AGBL1: variants seen among roughly 807,000 people sequenced by gnomAD.
The protein encoded by AGBL1 is AGBL carboxypeptidase 1.
Under a neutral mutation model 118.9 loss-of-function variants are expected in AGBL1, and 130 were observed. The observed-to-expected ratio is 1.09, with a 90% confidence interval of 0.95 to 1.26. The LOEUF (loss-of-function observed/expected upper bound fraction) is 1.26. Among genes scored for constraint, AGBL1 ranks in the 50% most tolerant of loss-of-function variants. The probability of loss-of-function intolerance (pLI) is 0.00; values close to 1 mark genes in which losing one functional copy is unlikely to be tolerated. For synonymous variants in AGBL1, 555 were observed against 478.9 expected (o/e 1.16, Z -2.08); for missense variants, 1,584 against 1,298.1 (o/e 1.22, Z -3.38).
At chr15:86,932,017 TAG>T (rs373092908) in intron 23 of AGBL1, among the ~76,000 whole-genome samples, 8 of 152,282 alleles carry the variant, frequency 5.3e-5, no homozygotes, top group African/African-American at 1.7e-4. Context: ...TGTGGAATCA[TAG>T]AGTTATAAAG....
intron 23 of AGBL1, among the ~76,000 whole-genome samples, chr15:86,925,689 TTTTTTTC>T (rs1467108239): frequency 7.3e-5 from 11 of 150,450 alleles, no homozygotes; most frequent in Non-Finnish European, 1.3e-4. Flanking sequence ...TCTTCTTTTC[TTTTTTTC>T]TTTTTTCTTT....
chr15:86,944,048 A>C lies in AGBL1; in HGVS notation c.3222-43939A>C, dbSNP rs111961055. ...TGCCTAAGATAAAATGAAATCTAAG[A>C]TAAGACCTGAAGGAAGAGTAAGAGT... On this transcript the variant is annotated intron_variant, in intron 23 of 24. Coordinates refer to the AGBL1 transcript ENST00000441037. 9.7e-3 allele frequency among the ~76,000 whole-genome samples: 1,477 copies of C among 152,246 alleles called. 20 individuals are homozygous for C. Among genetic ancestry groups the C allele is most frequent in the African/African-American group, 0.034 (1,420 of 41,538 alleles).
At chr15:86,649,298 GC>G (rs2142489929) in intron 21 of AGBL1, among the ~76,000 whole-genome samples, 1 of 152,286 alleles carries the variant, frequency 6.6e-6, no homozygotes, top group Non-Finnish European at 1.5e-5. Context: ...CTTCAATTTT[GC>G]CAGTGAAATT....
chr15:86,711,289 C>T (rs2086551204), intron 22 of AGBL1, among the ~76,000 whole-genome samples: 1 of 152,120 alleles, frequency 6.6e-6, no homozygotes, highest in South Asian at 2.1e-4. Context: ...TACAAAAATC[C>T]TGAGGTAAAA....
Position 86,622,386 on chromosome 15 carries a change from T to C in AGBL1, c.2995-51887T>C, listed in dbSNP as rs1054822727. On this transcript the variant is annotated intron_variant, in intron 21 of 22. Transcript: ENST00000614907. ...ACACAAAAACCAGACAGGCCTATTT[T>C]TTTCAGTCTATAAATATTTACTGAG... is the stretch of plus-strand genomic sequence containing the variant. Among the ~76,000 whole-genome samples the C allele has an allele frequency of 1.3e-5, 2 of 151,290 alleles. 1 individual carries two copies. The highest frequency in any genetic ancestry group is 2.9e-5 in the Non-Finnish European group (2 of 67,878).
At chr15:86,991,135 T>C (rs1378320202) in intron 24 of AGBL1, among the ~76,000 whole-genome samples, 4 of 152,194 alleles carry the variant, frequency 2.6e-5, no homozygotes. Context: ...GTAGAGTGTC[T>C]AGGATTCTCG....
At chr15:86,167,015 T>G (rs1451032721) in intron 5 of AGBL1, among the ~76,000 whole-genome samples, 1 of 152,168 alleles carries the variant, frequency 6.6e-6, no homozygotes, top group Non-Finnish European at 1.5e-5. Flanking sequence ...CTAGGAACTT[T>G]CACTTGCCAT....
intron 21 of AGBL1, among the ~76,000 whole-genome samples, chr15:86,583,383 ATC>A (rs1235971033): frequency 6.6e-6 from 1 of 151,806 alleles, no homozygotes; most frequent in African/African-American, 2.4e-5. Flanking sequence ...CCATATTTTT[ATC>A]TATATGTACC....
intron 1 of AGBL1, among the ~76,000 whole-genome samples, chr15:86,104,036 G>A (rs1026519770): frequency 6.6e-6 from 1 of 152,204 alleles, no homozygotes; most frequent in Non-Finnish European, 1.5e-5. Flanking sequence ...GAGGCACACA[G>A]GTGGTGCATG....
At chr15:86,589,139 A>T (rs2084297759) in intron 21 of AGBL1, among the ~76,000 whole-genome samples, 1 of 152,136 alleles carries the variant, frequency 6.6e-6, no homozygotes, top group African/African-American at 2.4e-5. Flanking sequence ...TTAGAACAGA[A>T]TGAAGTACTC....
At chr15:86,109,525 A>T (rs1281646922) in intron 1 of AGBL1, among the ~76,000 whole-genome samples, 1 of 152,232 alleles carries the variant, frequency 6.6e-6, no homozygotes, top group Non-Finnish European at 1.5e-5. Flanking sequence ...GAAAATAAGG[A>T]TAATTCAACC....
At chr15:86,155,858 A>G (rs973488885) in intron 4 of AGBL1, among the ~76,000 whole-genome samples, 1 of 152,220 alleles carries the variant, frequency 6.6e-6, no homozygotes, top group East Asian at 1.9e-4. Flanking sequence ...TTAATGCCTT[A>G]ACAAAATATC....
intron 21 of AGBL1, among the ~76,000 whole-genome samples, chr15:86,583,194 A>G (rs548243281): frequency 6.6e-6 from 1 of 152,048 alleles, no homozygotes; most frequent in Non-Finnish European, 1.5e-5. Context: ...CAGGGAGTAC[A>G]TGTGCAGGAT....
intron 20 of AGBL1, among the ~76,000 whole-genome samples, chr15:86,549,222 C>T (rs898813815): frequency 2.6e-5 from 4 of 151,902 alleles, no homozygotes; most frequent in African/African-American, 9.7e-5. Context: ...AGAGGAGACC[C>T]AAGAGGGCCC....
At chr15:86,692,999 C>T (rs1198544406) in intron 22 of AGBL1, among the ~76,000 whole-genome samples, 1 of 152,042 alleles carries the variant, frequency 6.6e-6, no homozygotes, top group East Asian at 1.9e-4. Context: ...ATTTCTTCAT[C>T]CTCTTGTTGA....
At chr15:86,663,368 C>G (rs2085581085) in intron 21 of AGBL1, among the ~76,000 whole-genome samples, 1 of 152,140 alleles carries the variant, frequency 6.6e-6, no homozygotes, top group Admixed American at 6.5e-5. Flanking sequence ...TCTCCTTCTT[C>G]CCTCACTCTG....
At chr15:86,946,743 A>G (rs1400066857) in intron 23 of AGBL1, among the ~76,000 whole-genome samples, 1 of 143,588 alleles carries the variant, frequency 7.0e-6, no homozygotes, top group Non-Finnish European at 1.5e-5. Flanking sequence ...GCTACTCGGG[A>G]GGCTGAGGCA....
intron 22 of AGBL1, among the ~76,000 whole-genome samples, chr15:86,755,386 G>C (rs1330329785): frequency 2.0e-5 from 3 of 152,094 alleles, no homozygotes; most frequent in East Asian, 1.9e-4. Context: ...CCAGAGTCCT[G>C]AGAAGGCAAG....
intron 6 of AGBL1, among the ~76,000 whole-genome samples, chr15:86,229,200 G>C (rs545841968): frequency 6.6e-6 from 1 of 152,120 alleles, no homozygotes; most frequent in South Asian, 2.1e-4. Context: ...CTCTGTATTA[G>C]TCTGTTCTCA....
Sources: gnomAD v4.1 joint callset for allele counts (sites outside exome capture counted in the v4.1 genomes callset) on GRCh38, gnomAD v4.1.1 for gene constraint, MANE v1.5 for transcripts, NCBI Gene and HGNC (gene_info 2026-07-23, HGNC 2026-07-21) for gene names.